The following CDH23 variants were observed in gnomAD, a reference collection of about 807,000 sequenced individuals.
The protein encoded by CDH23 is cadherin related 23.
A neutral mutation model predicts 317.1 loss-of-function variants in CDH23; 189 were observed. That is an observed-to-expected ratio of 0.60 (90% CI 0.53 to 0.67). CDH23 has a LOEUF of 0.67. Among genes scored for constraint, CDH23 ranks in the 30% least tolerant of loss-of-function variants. The pLI is 0.00. For synonymous variants in CDH23, 1,839 were observed against 1,876.8 expected, an observed-to-expected ratio of 0.98 and a Z score of 0.52; for missense variants, 4,401 against 4,592.4, an observed-to-expected ratio of 0.96 and a Z score of 1.20.
chr10:71,505,889 C>A (rs1853605159), intron 3 of CDH23, among the ~76,000 whole-genome samples: 1 of 152,166 alleles, frequency 6.6e-6, no homozygotes, highest in Admixed American at 6.5e-5. Context: ...AAGTATACAT[C>A]CAAAATAATT....
chr10:71,812,080 A>G, intron 66 of CDH23, 65 bp downstream of exon 66: 1 of 1,612,046 alleles, frequency 6.2e-7, no homozygotes, highest in South Asian at 1.1e-5. Context: ...AGCTGGGGAG[A>G]GCTGCAGTCT....
chr10:71,785,712 C>G lies in CDH23; in HGVS notation c.5794C>G (p.Pro1932Ala), dbSNP rs1350966851. ...YKLTISVKDNPENPRIARRDY... is the reference protein window; with the variant it reads ...YKLTISVKDNAENPRIARRDY... ...GCTGACCATTTCTGTGAAGGACAAC[C>G]CGGAGAATCCACGCATAGCCAGGAG... Residue 1932 changes from proline to alanine, a missense_variant, in exon 44 of 70, where the codon CCG (proline) becomes GCG (alanine). Physicochemically the swap from Pro to Ala is conservative, Grantham distance 27. Transcript: ENST00000224721. The G allele has an allele frequency of 6.2e-7, 1 of 1,607,084 alleles. No individual in the cohort carries two copies. The highest frequency in any genetic ancestry group is 1.1e-5 in the South Asian group (1 of 89,264).
rs554360469 is a variant in CDH23 at position 71,798,789 on chromosome 10, C to T, written c.7054+211C>T. On this transcript the variant is annotated intron_variant, in intron 50 of 69. Transcript: ENST00000224721. ...GGGATGGAAGCCTCTTGATGTCTGC[C>T]GGAAACCTGGGATACCCCACCACCC... Among the ~76,000 whole-genome samples the T allele has an allele frequency of 6.6e-5, 10 of 152,240 alleles. No individual in the cohort carries two copies. In the South Asian group the frequency reaches 8.3e-4, roughly 13 times the overall value.
intron 29 of CDH23, among the ~76,000 whole-genome samples, chr10:71,724,932 C>T (rs898950695): frequency 6.6e-6 from 1 of 152,200 alleles, no homozygotes; most frequent in Non-Finnish European, 1.5e-5. Context: ...GCTGGACCAG[C>T]CCTGAGATGT....
At chr10:71,695,647 G>C (rs1865359293) in intron 22 of CDH23, 122 bp downstream of exon 22, 3 of 683,594 alleles carry the variant, frequency 4.4e-6, no homozygotes, top group Non-Finnish European at 7.7e-6. Context: ...CCTCTGAGCT[G>C]GCTCTTGCAA....
At chr10:71,645,579 G>A in intron 12 of CDH23, 4 of 685,512 alleles carry the variant, frequency 5.8e-6, no homozygotes, top group South Asian at 5.7e-5. Flanking sequence ...ACCTGAAGGG[G>A]ACACTGTGGG....
intron 37 of CDH23, 96 bp downstream of exon 37, chr10:71,741,046 A>G (rs1402263515): frequency 7.8e-6 from 11 of 1,416,926 alleles, no homozygotes; most frequent in Non-Finnish European, 1.1e-5. Context: ...TGCCTGGCCC[A>G]CTGGTCCCTC....
At chr10:71,512,671 C>G (rs1266094928) in intron 6 of CDH23, among the ~76,000 whole-genome samples, 3 of 152,210 alleles carry the variant, frequency 2.0e-5, no homozygotes, top group Non-Finnish European at 4.4e-5. Context: ...CATGTCCCTC[C>G]TCTCCTGCCC....
chr10:71,777,505 G>A (rs1227277236), intron 38 of CDH23, among the ~76,000 whole-genome samples, 175 bp from the exon 39 acceptor site: 2 of 152,150 alleles, frequency 1.3e-5, no homozygotes, highest in African/African-American at 4.8e-5. Context: ...TTGGCTTTTG[G>A]TGGAGTTTTT....
chr10:71,712,890 T>A, intron 28 of CDH23, 77 bp downstream of exon 28: 1 of 1,529,164 alleles, frequency 6.5e-7, no homozygotes, highest in Non-Finnish European at 8.9e-7. Context: ...GGGCACATGC[T>A]CAGTGGCACC....
chr10:71,467,594 G>T (rs1851314443), intron 3 of CDH23, among the ~76,000 whole-genome samples: 1 of 152,140 alleles, frequency 6.6e-6, no homozygotes, highest in Non-Finnish European at 1.5e-5. Context: ...GGAGCTGACT[G>T]GGGGGTTCAA....
chr10:71,552,046 G>A (rs1856625044), intron 6 of CDH23, among the ~76,000 whole-genome samples: 1 of 152,240 alleles, frequency 6.6e-6, no homozygotes, highest in South Asian at 2.1e-4. Flanking sequence ...TGGCAATAAT[G>A]AAGTTTCCTG....
At chr10:71,569,050 T>C (rs1403874883) in intron 7 of CDH23, among the ~76,000 whole-genome samples, 1 of 152,166 alleles carries the variant, frequency 6.6e-6, no homozygotes, top group Non-Finnish European at 1.5e-5. Flanking sequence ...GCTTCCCCGC[T>C]CCAGCCCTGG....
chr10:71,751,677 GGAA>G lies in CDH23; in HGVS notation c.4845+9762_4845+9764del. On this transcript the variant is annotated intron_variant, in intron 38 of 69. Coordinates refer to ENST00000224721, the MANE Select transcript of CDH23 (RefSeq NM_022124.6). This position sits in a 1 kb window ranked among gnomAD's most constrained non-coding sequence, Gnocchi z 4.9. Reference sequence around the variant, plus strand: ...GTCAGGAAACACTTACCCAGGGATGGGAAGAAGACGTCTCCGGGGCCTGGAGGA... The same window carrying G: ...GTCAGGAAACACTTACCCAGGGATGGGAAGACGTCTCCGGGGCCTGGAGGA... 1 of 1,532,736 alleles carries G rather than the reference GGAA, an allele frequency of 6.5e-7. No homozygotes were observed. The highest frequency in any genetic ancestry group is 8.8e-7 in the Non-Finnish European group (1 of 1,141,464). The allele number at this position is 1,532,736 out of a possible 1,614,324, so 94.9% of individuals were successfully genotyped here. A position where few individuals can be genotyped will look rare whatever the true frequency, so the allele number is the denominator to read the frequency against.
chr10:71,681,417 A>C (rs1429607881), intron 17 of CDH23, among the ~76,000 whole-genome samples: 1 of 152,206 alleles, frequency 6.6e-6, no homozygotes. Context: ...GGGATATTTC[A>C]GGGCACAGGC....
In CDH23 at chr10:71,803,057, C is replaced by A. The variant is rs761722312; in HGVS notation, c.7642C>A (p.Leu2548Ile). 6.2e-7 allele frequency: 1 copy of A among 1,610,716 alleles called. No individual in the cohort carries two copies. Among genetic ancestry groups the A allele is most frequent in the South Asian group, 1.1e-5 (1 of 91,002 alleles). Reference protein sequence around the residue: ...EGPNGELTYSLEGPGVEAFHV... With the variant: ...EGPNGELTYSIEGPGVEAFHV... ...TCCCAATGGAGAGTTGACCTACTCA[C>A]TTGAGGGCCCTGGCGTGGGTATGTG... The change falls in exon 54 of 70, where the codon CTT becomes ATT. Residue 2548 changes from leucine (L) to isoleucine (I), a missense_variant. This residue lies in a region of CDH23 where 1,144 missense variants were observed against 1,138.2 expected (regional missense o/e 1.01). Coordinates refer to ENST00000224721, the MANE Select transcript of CDH23 (RefSeq NM_022124.6).
intron 1 of CDH23, among the ~76,000 whole-genome samples, chr10:71,428,437 C>A (rs1282732369): frequency 8.5e-6 from 1 of 118,216 alleles, no homozygotes; most frequent in Non-Finnish European, 1.7e-5. Context: ...CACGCCTGGC[C>A]TCCAACACTT....
chr10:71,730,755 G>T (rs1409302721), intron 31 of CDH23, among the ~76,000 whole-genome samples, 151 bp downstream of exon 31: 1 of 152,210 alleles, frequency 6.6e-6, no homozygotes, highest in Non-Finnish European at 1.5e-5. Context: ...GGATGGTCTT[G>T]ATCACTTCCC....
At chr10:71,561,320 C>G (rs1341989705) in intron 6 of CDH23, among the ~76,000 whole-genome samples, 4 of 151,924 alleles carry the variant, frequency 2.6e-5, no homozygotes, top group Non-Finnish European at 5.9e-5. Context: ...TCCCTGCCCC[C>G]CTTTCTTTAC....
Sources: gnomAD v4.1 joint callset for allele counts (sites outside exome capture counted in the v4.1 genomes callset) on GRCh38, gnomAD v4.1.1 for gene constraint, gnomAD v4.1.1 regional missense constraint, Gnocchi (gnomAD v3.1) non-coding constraint, MANE v1.5 for transcripts, NCBI Gene and HGNC (gene_info 2026-07-23, HGNC 2026-07-21) for gene names.